Variants in BMP8A observed in about 807,000 individuals in gnomAD.
BMP8A encodes BMP-8A.
BMP8A carries 14 observed loss-of-function variants against 36.8 expected under a neutral mutation model. That is an observed-to-expected ratio of 0.38 (90% CI 0.25 to 0.60). The LOEUF (loss-of-function observed/expected upper bound fraction) is 0.60. Ranked by LOEUF, BMP8A falls within the 20% of genes least tolerant of loss-of-function variation. The probability of loss-of-function intolerance (pLI) is 0.63; values close to 1 mark genes in which losing one functional copy is unlikely to be tolerated. For missense variants in BMP8A, 267 were observed against 551.1 expected, an observed-to-expected ratio of 0.48 and a Z score of 5.16; for synonymous variants, 120 against 237.7, an observed-to-expected ratio of 0.50 and a Z score of 4.55.
intron 1 of BMP8A, among the ~76,000 whole-genome samples, chr1:39,506,710 C>T: frequency 6.6e-6 from 1 of 152,088 alleles, no homozygotes; most frequent in East Asian, 1.9e-4. Context: ...CCCAGCCCCC[C>T]TTCTTTGTGT....
intron 1 of BMP8A, among the ~76,000 whole-genome samples, chr1:39,502,445 G>C (rs1645261828): frequency 6.6e-6 from 1 of 152,150 alleles, no homozygotes; most frequent in Non-Finnish European, 1.5e-5. Flanking sequence ...GAGCAACCCA[G>C]TGCCCAAATC....
At chr1:39,496,503 A>G (rs1645206524) in intron 1 of BMP8A, among the ~76,000 whole-genome samples, 1 of 151,906 alleles carries the variant, frequency 6.6e-6, no homozygotes, top group Non-Finnish European at 1.5e-5. Context: ...CCCAAGCCTC[A>G]GTTTCCTCCT....
intron 1 of BMP8A, among the ~76,000 whole-genome samples, chr1:39,503,234 T>A (rs958594538): frequency 6.6e-6 from 1 of 152,136 alleles, no homozygotes; most frequent in Non-Finnish European, 1.5e-5. Flanking sequence ...GGTACATGAC[T>A]GTACATGACT....
In BMP8A at chr1:39,511,297, G is replaced by C; in HGVS notation, c.458G>C (p.Ser153Thr). 2.6e-6 allele frequency: 3 copies of C among 1,167,152 alleles called. No homozygotes were observed. Among genetic ancestry groups the C allele is most frequent in the Non-Finnish European group, 3.7e-6 (3 of 820,154 alleles). 72.3% of individuals were successfully genotyped at this position (1,167,152 alleles called of 1,614,324 possible). A position where few individuals can be genotyped will look rare whatever the true frequency, so the allele number is the denominator to read the frequency against. ...GAGTTCCGGATTTACAAGGTGCCCA[G>C]CATCCACCTGCTCAACAGGACCCTC... ...AAEFRIYKVP[S>T]IHLLNRTLHV... The change falls in exon 2 of 7, where the codon AGC (serine) becomes ACC (threonine). Residue 153 changes from serine to threonine, a missense_variant. This residue lies in a region of BMP8A where 13 missense variants were observed against 75.8 expected (regional missense o/e 0.17). Coordinates refer to ENST00000331593, the MANE Select transcript of BMP8A (RefSeq NM_181809.4).
rs370495439 is a variant in BMP8A, at chr1:39,522,999, C to T, written c.949-8C>T. 2 of 1,597,128 alleles carry T rather than the reference C, an allele frequency of 1.3e-6. No individual in the cohort carries two copies. Among genetic ancestry groups the T allele is most frequent in the African/African-American group, 2.7e-5 (2 of 74,622 alleles). On this transcript the variant is annotated splice_region_variant and splice_polypyrimidine_tract_variant and intron_variant, in intron 5 of 6. Coordinates refer to ENST00000331593, the MANE Select transcript of BMP8A (RefSeq NM_181809.4). ...TGGATGGGACTCACCTTCTCCCTTG[C>T]CCCCCAGGACTGGGTCATCGCCCCC...
rs144103941 is a variant in BMP8A, at chr1:39,521,529, G to C, written c.827G>C (p.Ser276Thr). ...RPLRRRQPKK[S>T]NELPQANRLP... ...CTGAGGAGGAGGCAACCGAAGAAAA[G>C]CAACGAGCTGCCGCAGGCCAACCGA... Residue 276 changes from serine (S) to threonine (T), a missense_variant, in exon 4 of 7, where the codon AGC (serine) becomes ACC (threonine). Physicochemically the swap from Ser to Thr is moderately conservative, Grantham distance 58. Around this residue, in one of 7 missense-constraint regions of BMP8A, gnomAD observed 6 missense variants for 27.9 expected, o/e 0.21. Transcript: ENST00000331593. 5.7e-3 allele frequency: 4,891 copies of C among 862,382 alleles called. 1,608 individuals carry two copies. The East Asian group carries it at 0.13, about 24-fold the overall frequency. 53.4% of individuals were successfully genotyped at this position (862,382 alleles called of 1,614,324 possible). A position where few individuals can be genotyped will look rare whatever the true frequency, so the allele number is the denominator to read the frequency against.
At chr1:39,495,178 A>G (rs1293247361) in intron 1 of BMP8A, among the ~76,000 whole-genome samples, 1 of 151,804 alleles carries the variant, frequency 6.6e-6, no homozygotes. Context: ...TGCCAGCTCC[A>G]CCTCTCCTAT....
Position 39,524,478 on chromosome 1 carries a change from C to T in BMP8A, c.1060-1171C>T, listed in dbSNP as rs144987616. Among the ~76,000 whole-genome samples, 632 of 152,254 alleles carry T rather than the reference C, an allele frequency of 4.2e-3. 4 individuals carry two copies. The highest frequency in any genetic ancestry group is 0.014 in the African/African-American group (584 of 41,540). ...CAGCCTCTCCACACAAGGAGGGGCA[C>T]GTCAGCAGCTGGAGGAGGAATGTTC... is the stretch of plus-strand genomic sequence containing the variant. On this transcript the variant is annotated intron_variant, in intron 6 of 6. Transcript: ENST00000331593. The surrounding 1 kb of genome is among the most constrained non-coding windows in gnomAD (Gnocchi z 4.0).
In BMP8A at chr1:39,525,693, A is replaced by T. The variant is rs1211833280; in HGVS notation, c.1104A>T (p.Ala368=). 8.1e-6 allele frequency: 13 copies of T among 1,613,986 alleles called. No individual in the cohort carries two copies. Among genetic ancestry groups the T allele is most frequent in the Non-Finnish European group, 1.1e-5 (13 of 1,180,016 alleles). Residue 368 remains alanine (A), a synonymous_variant, in exon 7 of 7, where the codon GCA becomes GCT. Coordinates refer to ENST00000331593, the MANE Select transcript of BMP8A (RefSeq NM_181809.4). ...KPNAVPKACC[A]PTKLSATSVL... ...ACGCAGTCCCCAAGGCGTGCTGTGC[A>T]CCCACCAAGCTGAGCGCCACCTCTG...
chr1:39,493,939 G>A (rs1283870590), intron 1 of BMP8A, among the ~76,000 whole-genome samples: 5 of 152,280 alleles, frequency 3.3e-5, no homozygotes, highest in African/African-American at 9.6e-5. Flanking sequence ...GTCAAGGCAT[G>A]CACAGCCTGG....
rs1037902244 is a variant in BMP8A, at chr1:39,527,442, C to T, written c.*1644C>T. On this transcript the variant is annotated 3_prime_UTR_variant, in exon 7 of 7. Coordinates refer to ENST00000331593, the MANE Select transcript of BMP8A (RefSeq NM_181809.4). ...CGCCCCATCCACAGGCACAGCCTGGCAGAGTGGTTCCACCTCCCCATGGGC... is the reference window on the plus strand; with the variant it reads ...CGCCCCATCCACAGGCACAGCCTGGTAGAGTGGTTCCACCTCCCCATGGGC... Among the ~76,000 whole-genome samples the T allele has an allele frequency of 6.6e-6, 1 of 152,244 alleles. No individual in the cohort carries two copies. The highest frequency in any genetic ancestry group is 2.4e-5 in the African/African-American group (1 of 41,468).
At chr1:39,493,005 C>G (rs1453994974) in intron 1 of BMP8A, among the ~76,000 whole-genome samples, 3 of 152,238 alleles carry the variant, frequency 2.0e-5, no homozygotes, top group Admixed American at 2.0e-4. Flanking sequence ...CGGGCTTTTC[C>G]TGTCTGCAAA....
intron 3 of BMP8A, among the ~76,000 whole-genome samples, chr1:39,520,139 GTGTTT>G (rs927175375): frequency 2.0e-5 from 1 of 49,084 alleles, no homozygotes; most frequent in African/African-American, 5.8e-5. Flanking sequence ...AAAAAGTTTT[GTGTTT>G]TGTTTTTTTT....
Position 39,523,029 on chromosome 1 carries a change from G to T in BMP8A, c.971G>T (p.Gly324Val). 6.2e-7 allele frequency: 1 copy of T among 1,612,886 alleles called. No individual in the cohort carries two copies. ...CAGGACTGGGTCATCGCCCCCCAAG[G>T]CTACTCAGCCTATTACTGTGAGGGG... ...GWLDWVIAPQ[G>V]YSAYYCEGEC... Residue 324 changes from glycine (G) to valine (V), a missense_variant, in exon 6 of 7, where the codon GGC becomes GTC. This residue lies in a region of BMP8A where 132 missense variants were observed against 151.3 expected (regional missense o/e 0.87). Transcript: ENST00000331593.
At chr1:39,517,059 T>A (rs1158981334) in intron 3 of BMP8A, among the ~76,000 whole-genome samples, 1 of 152,036 alleles carries the variant, frequency 6.6e-6, no homozygotes, top group Non-Finnish European at 1.5e-5. Context: ...AATGCAGTGA[T>A]CTCACTGCAA....
intron 1 of BMP8A, among the ~76,000 whole-genome samples, chr1:39,497,188 G>C (rs1021294732): frequency 6.6e-6 from 1 of 152,002 alleles, no homozygotes; most frequent in African/African-American, 2.4e-5. Flanking sequence ...ATGGACATTC[G>C]GGTTGTTCTG....
At position 39,523,644 on chromosome 1, in the gene BMP8A, G is replaced by A. The variant is rs943015500; in HGVS notation, c.1059+527G>A. On this transcript the variant is annotated intron_variant, in intron 6 of 6. Transcript: ENST00000331593. ...TTTTCCCGCAGTTTCTCTCTTGGCTGTCTGTGTTTTCTCTGGATCCCCTGG... is the reference window on the plus strand; with the variant it reads ...TTTTCCCGCAGTTTCTCTCTTGGCTATCTGTGTTTTCTCTGGATCCCCTGG... The A allele has an allele frequency of 1.4e-4, 208 of 1,450,938 alleles. 2 individuals carry two copies. Among genetic ancestry groups the A allele is most frequent in the Middle Eastern group, 5.4e-4 (3 of 5,578 alleles). The allele number at this position is 1,450,938 out of a possible 1,614,324, so 89.9% of individuals were successfully genotyped here.
chr1:39,514,040 G>C (rs1436032047), intron 3 of BMP8A, among the ~76,000 whole-genome samples: 2 of 149,702 alleles, frequency 1.3e-5, no homozygotes, highest in Non-Finnish European at 3.0e-5. Flanking sequence ...GTGACCAAGG[G>C]TTTTGCCATC....
rs1325852981 is a variant in BMP8A at position 39,514,632 on chromosome 1, G to T, written c.673+2728G>T. Among the ~76,000 whole-genome samples, 3 of 151,968 alleles carry T rather than the reference G, an allele frequency of 2.0e-5. No homozygotes were observed. The South Asian group carries it at 6.2e-4, about 31-fold the overall frequency. On this transcript the variant is annotated intron_variant, in intron 3 of 6. Transcript: ENST00000331593. ...GAAGCTGGGGGGAAGCTTGGGCGGG[G>T]TGGTTGGAGTTTGTGTCTGAGGCTC...
Sources: gnomAD v4.1 joint callset for allele counts (sites outside exome capture counted in the v4.1 genomes callset) on GRCh38, gnomAD v4.1.1 for gene constraint, gnomAD v4.1.1 regional missense constraint, Gnocchi (gnomAD v3.1) non-coding constraint, MANE v1.5 for transcripts, NCBI Gene and HGNC (gene_info 2026-07-23, HGNC 2026-07-21) for gene names.